Variants in STK10 observed in about 807,000 individuals in gnomAD.
The protein encoded by STK10 is serine/threonine-protein kinase 10.
In STK10, 78 loss-of-function variants were observed where a neutral mutation model predicts 113.8. The observed-to-expected ratio is 0.69, with a 90% CI of 0.57 to 0.83. The LOEUF (loss-of-function observed/expected upper bound fraction) is 0.83. STK10 is among the 40% of genes least tolerant of loss of function. The pLI is 0.00. For synonymous variants in STK10, 465 were observed against 494.7 expected (o/e 0.94, Z 0.80); for missense variants, 1,109 against 1,280.1 (o/e 0.87, Z 2.04).
chr5:172,064,519 T>TA, intron 13 of STK10: 2 of 607,990 alleles, frequency 3.3e-6, no homozygotes, highest in Non-Finnish European at 5.9e-6. Flanking sequence ...TGGAAGAGCT[T>TA]ACTTCCAGAT....
At chr5:172,088,300 C>T (rs951930863) in intron 10 of STK10, among the ~76,000 whole-genome samples, 4 of 151,942 alleles carry the variant, frequency 2.6e-5, no homozygotes, top group Admixed American at 2.0e-4. Flanking sequence ...CCGAGGTGGG[C>T]GGATCACAAG....
chr5:172,172,576 G>A (rs1056701852), intron 1 of STK10, among the ~76,000 whole-genome samples: 5 of 152,180 alleles, frequency 3.3e-5, no homozygotes, highest in Admixed American at 2.6e-4. Context: ...TCCCTATTTT[G>A]CAGAAAAGAA....
At chr5:172,045,135 C>T in intron 18 of STK10, 113 bp from the exon 19 acceptor site, 1 of 1,465,628 alleles carries the variant, frequency 6.8e-7, no homozygotes, top group South Asian at 1.3e-5. Context: ...CCCTTCCAGG[C>T]CTCAGTGCTT....
At chr5:172,164,073 G>A (rs748867633) in intron 1 of STK10, among the ~76,000 whole-genome samples, 5 of 151,954 alleles carry the variant, frequency 3.3e-5, no homozygotes, top group Non-Finnish European at 4.4e-5. Flanking sequence ...TTAGCTGGGC[G>A]TGATGGTGCA....
chr5:172,128,221 C>CAAAAAAA (rs35298910), intron 2 of STK10, among the ~76,000 whole-genome samples: 2 of 77,250 alleles, frequency 2.6e-5, no homozygotes, highest in Non-Finnish European at 5.0e-5. Flanking sequence ...GACTCCGTCT[C>CAAAAAAA]AAAAAAAAAA....
At chr5:172,179,881 C>T (rs912298162) in intron 1 of STK10, among the ~76,000 whole-genome samples, 4 of 152,102 alleles carry the variant, frequency 2.6e-5, no homozygotes, top group Admixed American at 6.6e-5. Context: ...GGCTCAGGGA[C>T]GGGCAAGACG....
At position 172,090,216 on chromosome 5, in the gene STK10, C is replaced by T. The variant is rs767852612; in HGVS notation, c.1685+16G>A. 6 of 1,613,184 alleles carry T rather than the reference C, an allele frequency of 3.7e-6. No homozygotes were observed. The Admixed American group carries it at 8.3e-5, about 22-fold the overall frequency. On this transcript the variant is annotated intron_variant, in intron 10 of 18. Coordinates refer to ENST00000176763, the MANE Select transcript of STK10 (RefSeq NM_005990.4). The stretch of plus-strand genomic sequence containing the variant: ...CCCACCCTGTTACCACCATTGGTGG[C>T]CCTTCCCAGGCTTGCCTGAGAAATC...
intron 7 of STK10, 24 bp downstream of exon 7, chr5:172,105,632 A>C (rs771059870): frequency 6.2e-7 from 1 of 1,612,730 alleles, no homozygotes; most frequent in South Asian, 1.1e-5. Flanking sequence ...TTCAGGGAGC[A>C]GAGTGGGAGG....
At chr5:172,138,953 G>C (rs927597688) in intron 2 of STK10, among the ~76,000 whole-genome samples, 1 of 152,192 alleles carries the variant, frequency 6.6e-6, no homozygotes, top group Non-Finnish European at 1.5e-5. Context: ...GGCGGAGCTT[G>C]CAGTGAGCCA....
intron 3 of STK10, among the ~76,000 whole-genome samples, chr5:172,122,068 A>G (rs913988271): frequency 1.3e-5 from 2 of 151,922 alleles, no homozygotes; most frequent in Admixed American, 1.3e-4. Flanking sequence ...GGCTTTCACC[A>G]TCTTGGCCAG....
At chr5:172,124,471 G>A (rs567158617) in intron 3 of STK10, among the ~76,000 whole-genome samples, 1 of 152,252 alleles carries the variant, frequency 6.6e-6, no homozygotes, top group South Asian at 2.1e-4. Flanking sequence ...TGCCTGCTGA[G>A]AGAAGGCACA....
At chr5:172,136,373 G>T (rs1372154998) in intron 2 of STK10, among the ~76,000 whole-genome samples, 3 of 152,148 alleles carry the variant, frequency 2.0e-5, no homozygotes, top group Non-Finnish European at 4.4e-5. Flanking sequence ...GAGGCGGGTG[G>T]ACACGTGAGG....
chr5:172,143,998 C>A (rs1232399666), intron 2 of STK10, among the ~76,000 whole-genome samples: 1 of 152,234 alleles, frequency 6.6e-6, no homozygotes, highest in East Asian at 1.9e-4. Flanking sequence ...CCCTCTACTG[C>A]CAACCAAGAG....
At chr5:172,059,434 CAAAAA>C (rs58446505) in intron 14 of STK10, among the ~76,000 whole-genome samples, 2 of 56,998 alleles carry the variant, frequency 3.5e-5, no homozygotes, top group Admixed American at 2.0e-4. Flanking sequence ...CTCTCCATCT[CAAAAA>C]AAAAAAAAAA....
chr5:172,050,185 T>C (rs1392637153), intron 18 of STK10, among the ~76,000 whole-genome samples: 1 of 152,242 alleles, frequency 6.6e-6, no homozygotes, highest in Non-Finnish European at 1.5e-5. Context: ...GCAACACAAA[T>C]GGTTCATTTT....
chr5:172,105,433 G>T, intron 7 of STK10: 1 of 579,914 alleles, frequency 1.7e-6, no homozygotes, highest in Non-Finnish European at 3.1e-6. Flanking sequence ...ATCCCCACTG[G>T]AACACACGCT....
intron 18 of STK10, among the ~76,000 whole-genome samples, chr5:172,046,553 G>A (rs1767499980): frequency 6.6e-6 from 1 of 152,150 alleles, no homozygotes; most frequent in Non-Finnish European, 1.5e-5. Flanking sequence ...AGTAATGGAG[G>A]AGTTAGGACT....
rs116266682 is a variant in STK10, at chr5:172,055,703, G to A, written c.2411C>T (p.Ala804Val). ...ACTCCTCTGGATCTTGGGCAGCCGCGCCTTTTCCTGTTGCTGCCGCACCTT... is the reference window on the plus strand; with the variant it reads ...ACTCCTCTGGATCTTGGGCAGCCGCACCTTTTCCTGTTGCTGCCGCACCTT... The part of the protein sequence containing the change: ...QLKVRQQQEK[A>V]RLPKIQRSEG... The change falls in exon 16 of 19, where the codon GCG becomes GTG. Residue 804 changes from alanine (A) to valine (V), a missense_variant. Transcript: ENST00000176763. 466 of 1,581,650 alleles carry A rather than the reference G, an allele frequency of 2.9e-4. 1 individual carries two copies. The African/African-American group carries it at 4.2e-3, about 14-fold the overall frequency.
intron 2 of STK10, among the ~76,000 whole-genome samples, chr5:172,128,275 C>T (rs982612646): frequency 1.3e-5 from 2 of 149,500 alleles, no homozygotes; most frequent in African/African-American, 2.4e-5. Flanking sequence ...GGTTCACTCC[C>T]ATTCTCACTC....
Sources: gnomAD v4.1 joint callset for allele counts (sites outside exome capture counted in the v4.1 genomes callset) on GRCh38, gnomAD v4.1.1 for gene constraint, MANE v1.5 for transcripts, NCBI Gene and HGNC (gene_info 2026-07-23, HGNC 2026-07-21) for gene names.